MYO16: variants seen among roughly 807,000 people sequenced by gnomAD.
MYO16 encodes unconventional myosin-XVI.
In MYO16, 94 loss-of-function variants were observed where a neutral mutation model predicts 205.3. The ratio of observed to expected loss-of-function variants is 0.46; its 90% CI spans 0.39 to 0.54. The LOEUF (loss-of-function observed/expected upper bound fraction) is 0.54, where lower values mean the gene tolerates loss of function less well. Ranked by LOEUF, MYO16 falls within the 20% of genes least tolerant of loss-of-function variation. MYO16 has a pLI of 0.00. For missense variants in MYO16, 2,315 were observed against 2,387.5 expected, an observed-to-expected ratio of 0.97 and a Z score of 0.63; for synonymous variants, 988 against 954.0, an observed-to-expected ratio of 1.04 and a Z score of -0.66.
intron 9 of MYO16, among the ~76,000 whole-genome samples, chr13:108,831,342 AT>A (rs1172679938): frequency 2.6e-5 from 4 of 152,180 alleles, no homozygotes; most frequent in Admixed American, 2.0e-4. Context: ...ATTGTCAAAG[AT>A]TTTTTATTTG....
At chr13:109,144,308 C>T (rs1397335169) in intron 32 of MYO16, among the ~76,000 whole-genome samples, 1 of 152,140 alleles carries the variant, frequency 6.6e-6, no homozygotes, top group Non-Finnish European at 1.5e-5. Context: ...AACCACCATG[C>T]CCGGCCAAAT....
intron 15 of MYO16, among the ~76,000 whole-genome samples, chr13:108,906,783 C>T (rs562127938): frequency 1.7e-4 from 26 of 152,156 alleles, no homozygotes; most frequent in African/African-American, 6.3e-4. Context: ...GGGACACTTG[C>T]GTCTTTTCTT....
chr13:109,037,659 C>T (rs1274688972), intron 23 of MYO16, among the ~76,000 whole-genome samples: 3 of 151,804 alleles, frequency 2.0e-5, no homozygotes, highest in Admixed American at 6.6e-5. Flanking sequence ...TCCAAAGCCA[C>T]CGAGAGACAC....
rs180768411 is a variant in MYO16, at chr13:109,017,371, G to A, written c.2596-2340G>A. ...ATGGGCTTCCCTTTGTGGGTAACCC[G>A]ACCTTTCTCTCTGGCTACCCTTAGA... On this transcript the variant is annotated intron_variant, in intron 22 of 34. Transcript: ENST00000457511. Among the ~76,000 whole-genome samples the A allele has an allele frequency of 1.1e-4, 16 of 152,242 alleles. No individual in the cohort carries two copies. The East Asian group carries it at 1.5e-3, about 15-fold the overall frequency.
In MYO16 at chr13:108,739,440, T is replaced by G. The variant is rs541389987; in HGVS notation, c.507+11857T>G. ...TGAAATTCTGGGTTGAGAATTCTTC[T>G]CTTTAAGAATGTTGAATATTGGCCC... On this transcript the variant is annotated intron_variant, in intron 4 of 34. Transcript: ENST00000457511. Among the ~76,000 whole-genome samples the G allele has an allele frequency of 3.2e-4, 49 of 152,342 alleles. No homozygotes were observed. The East Asian group carries it at 9.1e-3, about 28-fold the overall frequency.
At chr13:108,661,966 C>A (rs773000608) in intron 1 of MYO16, among the ~76,000 whole-genome samples, 16 of 152,096 alleles carry the variant, frequency 1.1e-4, no homozygotes, top group Non-Finnish European at 1.9e-4. Flanking sequence ...TTCTTCTGTC[C>A]TATGGGGTGT....
intron 3 of MYO16, among the ~76,000 whole-genome samples, chr13:108,715,415 G>A (rs1883903253): frequency 6.6e-6 from 1 of 152,030 alleles, no homozygotes; most frequent in South Asian, 2.1e-4. Context: ...ATCTTTTATA[G>A]CACACTTGTC....
chr13:108,881,706 A>C (rs1879627500), intron 12 of MYO16, among the ~76,000 whole-genome samples: 1 of 152,204 alleles, frequency 6.6e-6, no homozygotes, highest in Non-Finnish European at 1.5e-5. Context: ...GTGATTGAAG[A>C]TCAAATGAAT....
intron 5 of MYO16, among the ~76,000 whole-genome samples, chr13:108,786,575 G>A (rs1886463409): frequency 2.0e-5 from 3 of 152,146 alleles, no homozygotes; most frequent in African/African-American, 4.8e-5. Context: ...CCTCACATCT[G>A]CCTCATTGTT....
intron 21 of MYO16, among the ~76,000 whole-genome samples, chr13:108,999,119 A>C (rs925837265): frequency 6.6e-6 from 1 of 152,198 alleles, no homozygotes; most frequent in African/African-American, 2.4e-5. Context: ...AATGGTTGCT[A>C]TATTAGTCTA....
At chr13:108,935,412 G>A (rs568497201) in intron 16 of MYO16, among the ~76,000 whole-genome samples, 21 of 152,126 alleles carry the variant, frequency 1.4e-4, no homozygotes, top group African/African-American at 4.3e-4. Flanking sequence ...TTGGCTCTCC[G>A]CTTGAACATT....
chr13:108,728,970 G>C (rs766614145), intron 4 of MYO16, among the ~76,000 whole-genome samples: 22 of 134,552 alleles, frequency 1.6e-4, no homozygotes, highest in Non-Finnish European at 1.6e-4. Context: ...TGTCCTTCAA[G>C]AATATGTACA....
intron 33 of MYO16, among the ~76,000 whole-genome samples, chr13:109,171,619 G>A (rs1878926601): frequency 6.6e-6 from 1 of 152,042 alleles, no homozygotes; most frequent in East Asian, 1.9e-4. Context: ...ATTATTCCCT[G>A]GACTTGTGGT....
Position 108,711,554 on chromosome 13 carries a change from C to T in MYO16, c.293-1107C>T, listed in dbSNP as rs141753973. On this transcript the variant is annotated intron_variant, in intron 2 of 34. Coordinates refer to ENST00000457511, the MANE Select transcript of MYO16 (RefSeq NM_001198950.3). Reference sequence around the variant, plus strand: ...CCCTCATCACACCCACTGCACCCACCGTCAAAGAGCTTGGCCTTCCTGGAG... The same window carrying T: ...CCCTCATCACACCCACTGCACCCACTGTCAAAGAGCTTGGCCTTCCTGGAG... Among the ~76,000 whole-genome samples the T allele has an allele frequency of 4.6e-3, 708 of 152,308 alleles. 6 individuals are homozygous for T. The highest frequency in any genetic ancestry group is 8.3e-3 in the Non-Finnish European group (562 of 68,026).
At chr13:108,502,328 T>G in the MYO16 span, among the ~76,000 whole-genome samples, 2 of 152,224 alleles carry the variant, frequency 1.3e-5, no homozygotes, top group Admixed American at 1.3e-4. Flanking sequence ...TTGTTTCTTA[T>G]TTTTGATGCT....
chr13:108,673,764 T>C (rs1882089911), intron 2 of MYO16, among the ~76,000 whole-genome samples: 3 of 152,184 alleles, frequency 2.0e-5, no homozygotes, highest in African/African-American at 7.2e-5. Flanking sequence ...ACTTTTTTCC[T>C]GAGTTCCAGT....
chr13:109,141,393 TC>T lies in MYO16; in HGVS notation c.5164+23del. 3.5e-6 allele frequency: 5 copies of T among 1,430,698 alleles called. No homozygotes were observed. Among genetic ancestry groups the T allele is most frequent in the Non-Finnish European group, 3.7e-6 (4 of 1,081,778 alleles). 88.6% of individuals were successfully genotyped at this position (1,430,698 alleles called of 1,614,324 possible). On this transcript the variant is annotated intron_variant, in intron 32 of 34. Coordinates refer to ENST00000457511, the MANE Select transcript of MYO16 (RefSeq NM_001198950.3). This position sits in a 1 kb window ranked among gnomAD's most constrained non-coding sequence, Gnocchi z 4.1. ...AAGCAGAAGGTAAGCGGAGCAGACA[TC>T]CCCCCACTCCTTTTGCATGGACGCT... is the stretch of plus-strand genomic sequence containing the variant.
At chr13:108,983,922 T>C (rs1884539277) in intron 20 of MYO16, among the ~76,000 whole-genome samples, 4 of 152,160 alleles carry the variant, frequency 2.6e-5, no homozygotes, top group Admixed American at 2.6e-4. Context: ...ACTCCTACTA[T>C]ACTGATCTAA....
intron 34 of MYO16, among the ~76,000 whole-genome samples, chr13:109,202,623 A>C (rs188955283): frequency 1.1e-3 from 161 of 152,342 alleles, no homozygotes; most frequent in African/African-American, 3.6e-3. Flanking sequence ...GAAAATGACC[A>C]TACTGCCAAA....
Sources: allele counts gnomAD v4.1 joint callset (sites outside exome capture counted in the v4.1 genomes callset), GRCh38; gene constraint gnomAD v4.1.1; non-coding constraint Gnocchi (gnomAD v3.1); transcripts MANE v1.5; gene names NCBI Gene and HGNC (gene_info 2026-07-23, HGNC 2026-07-21).